Variants in ADGRL2 observed in about 807,000 individuals in gnomAD.
ADGRL2 encodes the protein calcium-independent alpha-latrotoxin receptor 2.
ADGRL2 carries 44 observed loss-of-function variants against 157.4 expected under a neutral mutation model. That is an observed-to-expected ratio of 0.28 (90% CI 0.22 to 0.36). The LOEUF is 0.36. Among genes scored for constraint, ADGRL2 ranks in the 10% least tolerant of loss-of-function variants. The pLI is 1.00. For missense variants in ADGRL2, 1,510 were observed against 1,768.9 expected, an observed-to-expected ratio of 0.85 and a Z score of 2.63; for synonymous variants, 585 against 624.7, an observed-to-expected ratio of 0.94 and a Z score of 0.95.
intron 2 of ADGRL2, among the ~76,000 whole-genome samples, chr1:81,560,671 C>T (rs1323244198): frequency 1.3e-5 from 2 of 152,022 alleles, no homozygotes; most frequent in African/African-American, 2.4e-5. Flanking sequence ...TAGATAAGTG[C>T]CTCATCAGTG....
At chr1:81,513,340 A>T (rs2079113907) in intron 2 of ADGRL2, among the ~76,000 whole-genome samples, 1 of 152,148 alleles carries the variant, frequency 6.6e-6, no homozygotes, top group Admixed American at 6.6e-5. Flanking sequence ...AATTTGATTG[A>T]TTCTTACTTT....
At chr1:81,988,324 TGGATTATATCCAGTGTATAGTGTTG>T (rs1663777495) in intron 23 of ADGRL2, 1 of 152,190 alleles carries the variant, frequency 6.6e-6, no homozygotes, top group South Asian at 2.1e-4. Flanking sequence ...AAAGACCTTT[TGGATTATATCCAGTGTATAGTGTTG>T]TATTTACCAA....
intron 1 of ADGRL2, among the ~76,000 whole-genome samples, chr1:81,408,896 A>T (rs969733824): frequency 3.9e-4 from 60 of 152,232 alleles, no homozygotes; most frequent in Non-Finnish European, 5.3e-4. Flanking sequence ...AACAGTTTGT[A>T]CCAATGTATG....
At chr1:81,355,061 G>C (rs942288494) in intron 1 of ADGRL2, among the ~76,000 whole-genome samples, 8 of 152,176 alleles carry the variant, frequency 5.3e-5, no homozygotes, top group Non-Finnish European at 1.0e-4. Context: ...CATTGCAATA[G>C]ACAGGCTTTT....
chr1:81,503,902 G>A lies in ADGRL2; in HGVS notation c.-248+58813G>A, dbSNP rs539137055. On this transcript the variant is annotated intron_variant, in intron 2 of 24. Transcript: ENST00000370721. ...CACTAGTCTCTTCCCCTGTTTTTAA[G>A]TCCCATGTGGGGCTGCCAGGAGCCA... Among the ~76,000 whole-genome samples the A allele has an allele frequency of 4.3e-4, 66 of 152,268 alleles. No homozygotes were observed. The South Asian group carries it at 0.012, about 29-fold the overall frequency.
intron 2 of ADGRL2, among the ~76,000 whole-genome samples, chr1:81,794,077 T>TGAA (rs1254691486): frequency 2.6e-5 from 4 of 152,190 alleles, no homozygotes; most frequent in Non-Finnish European, 4.4e-5. Flanking sequence ...CCTCTTACCT[T>TGAA]GACACGTCTC....
chr1:81,607,443 CT>C (rs1436614726), intron 3 of ADGRL2, among the ~76,000 whole-genome samples: 15 of 152,126 alleles, frequency 9.9e-5, no homozygotes, highest in Non-Finnish European at 4.4e-5. Context: ...TCCAACCAGG[CT>C]TTTCTAACCT....
chr1:81,777,607 C>CA (rs2086637751), intron 2 of ADGRL2, among the ~76,000 whole-genome samples: 1 of 151,730 alleles, frequency 6.6e-6, no homozygotes. Context: ...CCCATCTCTA[C>CA]AAAAAATTAG....
intron 1 of ADGRL2, among the ~76,000 whole-genome samples, chr1:81,350,444 T>A (rs1473159049): frequency 2.6e-5 from 4 of 152,144 alleles, no homozygotes; most frequent in African/African-American, 9.7e-5. Flanking sequence ...TTAGTAAAAA[T>A]TTTCCAAAAT....
At chr1:81,655,343 A>G (rs1161682434) in intron 3 of ADGRL2, among the ~76,000 whole-genome samples, 1 of 152,114 alleles carries the variant, frequency 6.6e-6, no homozygotes, top group East Asian at 1.9e-4. Flanking sequence ...CCCATTTTCC[A>G]GAAAAAGACA....
intron 2 of ADGRL2, among the ~76,000 whole-genome samples, chr1:81,447,852 G>T (rs577605637): frequency 6.6e-6 from 1 of 152,248 alleles, no homozygotes; most frequent in South Asian, 2.1e-4. Flanking sequence ...CTAGTGGGAA[G>T]TGATCTGATC....
At chr1:81,534,694 T>A (rs546511529) in intron 2 of ADGRL2, among the ~76,000 whole-genome samples, 1 of 152,332 alleles carries the variant, frequency 6.6e-6, no homozygotes, top group East Asian at 1.9e-4. Context: ...GTTTTCTGAT[T>A]CTTGAACTAG....
At chr1:81,946,277 C>G (rs1438920234) in intron 6 of ADGRL2, among the ~76,000 whole-genome samples, 1 of 151,088 alleles carries the variant, frequency 6.6e-6, no homozygotes, top group African/African-American at 2.4e-5. Flanking sequence ...ATACTTTTTC[C>G]CATTTATAAA....
rs545341345 is a variant in ADGRL2 at position 81,992,328 on chromosome 1, C to T, written c.*1183C>T. On this transcript the variant is annotated 3_prime_UTR_variant, in exon 24 of 24. Coordinates refer to ENST00000686636, the MANE Select transcript of ADGRL2 (RefSeq NM_001366006.2). Reference sequence around the variant, plus strand: ...AGCAAAATTCTGCTTTTTTTTCATCCCTTTGTGTAAACCTGTTAATAATGA... The same window carrying T: ...AGCAAAATTCTGCTTTTTTTTCATCTCTTTGTGTAAACCTGTTAATAATGA... 5.9e-5 allele frequency: 9 copies of T among 152,142 alleles called. No homozygotes were observed. Among genetic ancestry groups the T allele is most frequent in the Non-Finnish European group, 1.0e-4 (7 of 67,942 alleles). 9.4% of individuals were successfully genotyped at this position (152,142 alleles called of 1,614,324 possible). A position where few individuals can be genotyped will look rare whatever the true frequency, so the allele number is the denominator to read the frequency against.
At chr1:81,679,795 C>G (rs962240061) in intron 3 of ADGRL2, among the ~76,000 whole-genome samples, 5 of 152,106 alleles carry the variant, frequency 3.3e-5, no homozygotes, top group African/African-American at 9.7e-5. Context: ...CTGTTTACTT[C>G]TGAATTTGGG....
At chr1:81,879,954 G>T (rs2151188718) in intron 2 of ADGRL2, among the ~76,000 whole-genome samples, 1 of 152,302 alleles carries the variant, frequency 6.6e-6, no homozygotes, top group African/African-American at 2.4e-5. Flanking sequence ...TTGAATCCTG[G>T]AGGTGGAGGT....
intron 1 of ADGRL2, among the ~76,000 whole-genome samples, chr1:81,317,097 G>T (rs1180892137): frequency 6.6e-6 from 1 of 151,952 alleles, no homozygotes; most frequent in Non-Finnish European, 1.5e-5. Context: ...TTTTTGATTT[G>T]GGTTGGGGGT....
chr1:81,394,861 T>C (rs1391192691), intron 1 of ADGRL2, among the ~76,000 whole-genome samples: 2 of 152,050 alleles, frequency 1.3e-5, no homozygotes, highest in African/African-American at 4.8e-5. Flanking sequence ...CCAGCATTTG[T>C]TATATTTTGT....
chr1:81,662,874 A>T (rs966006525), intron 3 of ADGRL2, among the ~76,000 whole-genome samples: 2 of 151,894 alleles, frequency 1.3e-5, no homozygotes, highest in African/African-American at 4.8e-5. Flanking sequence ...CTTTTTAACT[A>T]CTTTTTTTGT....
Sources: gnomAD v4.1 joint callset for allele counts (sites outside exome capture counted in the v4.1 genomes callset) on GRCh38, gnomAD v4.1.1 for gene constraint, MANE v1.5 for transcripts, NCBI Gene and HGNC (gene_info 2026-07-23, HGNC 2026-07-21) for gene names.